Variants in TTN observed in about 807,000 individuals in gnomAD.
The protein encoded by TTN is connectin.
Under a neutral mutation model 3,223.0 loss-of-function variants are expected in TTN, and 1,525 were observed. The ratio of observed to expected loss-of-function variants is 0.47; its 90% CI spans 0.45 to 0.49. The LOEUF is 0.49. Ranked by LOEUF, TTN falls within the 20% of genes least tolerant of loss-of-function variation. TTN has a pLI of 0.00. For synonymous variants in TTN, 14,094 were observed against 15,161.0 expected (o/e 0.93, Z 5.17); for missense variants, 40,786 against 43,424.0 (o/e 0.94, Z 5.40).
chr2:178,538,969 G>A lies in TTN; in HGVS notation c.98966C>T (p.Pro32989Leu), dbSNP rs757583081. The A allele has an allele frequency of 2.7e-5, 43 of 1,608,724 alleles. No individual in the cohort carries two copies. The highest frequency in any genetic ancestry group is 3.6e-5 in the Non-Finnish European group (42 of 1,175,644). ...ACCAAATGGATCTTTGCAAACAACT[G>A]GTTCAGAAGCAGGGCTGGTCTCACT... Reference protein sequence around the residue: ...GLSETSPASEPVVCKDPFDKP... With the variant: ...GLSETSPASELVVCKDPFDKP... Residue 32989 changes from proline to leucine, a missense_variant, in exon 353 of 363, where the codon CCA becomes CTA. Physicochemically the swap from Pro to Leu is moderately conservative, Grantham distance 98. Coordinates refer to ENST00000589042, the MANE Select transcript of TTN (RefSeq NM_001267550.2).
chr2:178,708,093 C>A (rs950941504), intron 99 of TTN, among the ~76,000 whole-genome samples: 5 of 152,194 alleles, frequency 3.3e-5, no homozygotes, highest in African/African-American at 1.2e-4. Flanking sequence ...CAGACATTGG[C>A]AGTTACTATG....
chr2:178,786,866 A>G (rs1404959880), intron 13 of TTN, among the ~76,000 whole-genome samples: 1 of 152,094 alleles, frequency 6.6e-6, no homozygotes, highest in Non-Finnish European at 1.5e-5. Flanking sequence ...TACTTTCATT[A>G]TTATGGAGAG....
Position 178,620,481 on chromosome 2 carries a change from A to G in TTN, c.46040T>C (p.Val15347Ala). ...CTTGTACTTATCAACTCTGTATGAG[A>G]CACGGTTGTCAAAAGGCACTTCTTC... ...NGEEVPFDNRVSYRVDKYKHM... is the reference protein window; with the variant it reads ...NGEEVPFDNRASYRVDKYKHM... Residue 15347 changes from valine (V) to alanine (A), a missense_variant, in exon 248 of 363, where the codon GTC becomes GCC. By Grantham distance (64) the Val-to-Ala change is moderately conservative. Transcript: ENST00000589042. The G allele has an allele frequency of 1.9e-6, 3 of 1,612,418 alleles. No homozygotes were observed. In the South Asian group the frequency reaches 3.3e-5, roughly 18 times the overall value.
intron 11 of TTN, among the ~76,000 whole-genome samples, chr2:178,790,462 C>T (rs745927334): frequency 1.3e-5 from 2 of 152,170 alleles, no homozygotes; most frequent in South Asian, 2.1e-4. Flanking sequence ...TGTTTACGGA[C>T]ATCTGCTTCA....
In TTN at chr2:178,775,683, T is replaced by A. The variant is rs772045763; in HGVS notation, c.6181A>T (p.Ile2061Phe). The part of the protein sequence containing the change: ...KALAEEGKIT[I>F]PTFKPDKIEL... ...ATCTTGTCAGGTTTAAAAGTTGGAATCGTGATTTTGCCTTCTTCGGCAAGA... is the reference window on the plus strand; with the variant it reads ...ATCTTGTCAGGTTTAAAAGTTGGAAACGTGATTTTGCCTTCTTCGGCAAGA... Residue 2061 changes from isoleucine (I) to phenylalanine (F), a missense_variant, in exon 28 of 363, where the codon ATT becomes TTT. Physicochemically the swap from Ile to Phe is conservative, Grantham distance 21. Coordinates refer to ENST00000589042, the MANE Select transcript of TTN (RefSeq NM_001267550.2). 6.2e-6 allele frequency: 10 copies of A among 1,614,034 alleles called. No homozygotes were observed. The African/African-American group carries it at 8.0e-5, about 13-fold the overall frequency.
Position 178,704,510 on chromosome 2 carries a change from C to T in TTN, c.29962G>A (p.Glu9988Lys). The change falls in exon 105 of 363, where the codon GAG (glutamate) becomes AAG (lysine). Residue 9988 changes from glutamate (E) to lysine (K), a missense_variant and splice_region_variant. Glu to Lys is a moderately conservative substitution (Grantham distance 56). Coordinates refer to ENST00000589042, the MANE Select transcript of TTN (RefSeq NM_001267550.2). ...ATTTCATAAGCCTTTTCTAACTTAC[C>T]AATTACAGTTAGTTTAGCGCTAGCG... ...HIASAKLTVI[E>K]PAWERHLQDV... 1.2e-6 allele frequency: 2 copies of T among 1,602,522 alleles called. No homozygotes were observed. The highest frequency in any genetic ancestry group is 1.7e-6 in the Non-Finnish European group (2 of 1,173,800).
chr2:178,543,779 A>G lies in TTN; in HGVS notation c.96310+55T>C, dbSNP rs555144437. On this transcript the variant is annotated intron_variant, in intron 346 of 362. Transcript: ENST00000589042. ...GAGGTGATCAATCATAGGTCAAGCT[A>G]TATTGTTTTAGAGGATCTACTCATT... 15 of 1,590,300 alleles carry G rather than the reference A, an allele frequency of 9.4e-6. No individual in the cohort carries two copies. The African/African-American group carries it at 1.9e-4, about 20-fold the overall frequency.
In TTN at chr2:178,702,566, A is replaced by T. The variant is rs1577676940; in HGVS notation, c.30321T>A (p.Ile10107=). Residue 10107 remains isoleucine (I), a synonymous_variant, in exon 107 of 363, where the codon ATT becomes ATA. Transcript: ENST00000589042. ...CTGTTGGTCCTTTGTACCATGTTAC[A>T]ATGGCATCATCAAAGGACACTTCAC... ...FECEVSFDDA[I]VTWYKGPTEL... is the part of the protein sequence containing the mutation. 1 of 1,613,960 alleles carries T rather than the reference A, an allele frequency of 6.2e-7. No individual in the cohort carries two copies. Among genetic ancestry groups the T allele is most frequent in the Non-Finnish European group, 8.5e-7 (1 of 1,179,878 alleles).
chr2:178,621,527 G>C lies in TTN; in HGVS notation c.45297C>G (p.Asn15099Lys), dbSNP rs746107267. Reference protein sequence around the residue: ...IQNAHLEDAGNYNCRLPSSRT... With the variant: ...IQNAHLEDAGKYNCRLPSSRT... ...GAGAGCTTGGGAGTCGACAGTTGTAGTTGCCAGCATCCTCAAGGTGAGCGT... is the reference window on the plus strand; with the variant it reads ...GAGAGCTTGGGAGTCGACAGTTGTACTTGCCAGCATCCTCAAGGTGAGCGT... The change falls in exon 245 of 363, where the codon AAC becomes AAG. Residue 15099 changes from asparagine to lysine, a missense_variant. Coordinates refer to ENST00000589042, the MANE Select transcript of TTN (RefSeq NM_001267550.2). 1 of 1,612,294 alleles carries C rather than the reference G, an allele frequency of 6.2e-7. No individual in the cohort carries two copies. The highest frequency in any genetic ancestry group is 8.5e-7 in the Non-Finnish European group (1 of 1,179,070).
intron 349 of TTN, chr2:178,541,811 A>C: frequency 4.0e-6 from 1 of 247,580 alleles, no homozygotes; most frequent in Non-Finnish European, 7.4e-6. Flanking sequence ...CTTCAGGGGT[A>C]CATGTGCAGT....
rs1362774927 is a variant in TTN at position 178,634,731 on chromosome 2, G to A, written c.42143C>T (p.Thr14048Ile). The change falls in exon 229 of 363, where the codon ACA becomes ATA. Residue 14048 changes from threonine to isoleucine, a missense_variant. Transcript: ENST00000589042. The surrounding 1 kb of genome is among the most constrained non-coding windows in gnomAD (Gnocchi z 4.6). ...TTCTAAAAGCCCCATACCTTTTACT[G>A]TCAAAATGGCAGTTGTAATTGCATT... The part of the protein sequence containing the change: ...ALNAITTAIL[T>I]VKEIELDFAV... The A allele has an allele frequency of 6.2e-7, 1 of 1,613,042 alleles. No homozygotes were observed. The highest frequency in any genetic ancestry group is 1.7e-5 in the Admixed American group (1 of 59,934).
chr2:178,609,833 C>T lies in TTN; in HGVS notation c.51590G>A (p.Cys17197Tyr). 2 of 1,612,986 alleles carry T rather than the reference C, an allele frequency of 1.2e-6. No homozygotes were observed. Among genetic ancestry groups the T allele is most frequent in the East Asian group, 2.2e-5 (1 of 44,786 alleles). The change falls in exon 272 of 363, where the codon TGC becomes TAC. Residue 17197 changes from cysteine to tyrosine, a missense_variant. Transcript: ENST00000589042. ...IAKGEERWKR[C>Y]NEHLVPILTY... ...CAGGATTGGTACCAGGTGTTCATTG[C>T]ATCTCTTCCACCTTTCTTCACCCTT...
rs958838178 is a variant in TTN at position 178,531,980 on chromosome 2, G to C, written c.104635C>G (p.Pro34879Ala). Reference protein sequence around the residue: ...EDDTERRSPTPERTRPRSPSP... With the variant: ...EDDTERRSPTAERTRPRSPSP... ...GGGGATCGTGGGCGAGTTCTCTCTGGAGTAGGTGACCTTCTTTCTGTGTCA... is the reference window on the plus strand; with the variant it reads ...GGGGATCGTGGGCGAGTTCTCTCTGCAGTAGGTGACCTTCTTTCTGTGTCA... Residue 34879 changes from proline (P) to alanine (A), a missense_variant, in exon 358 of 363, where the codon CCA becomes GCA. Pro to Ala is a conservative substitution (Grantham distance 27). Coordinates refer to ENST00000589042, the MANE Select transcript of TTN (RefSeq NM_001267550.2). The C allele has an allele frequency of 1.2e-6, 2 of 1,613,756 alleles. No individual in the cohort carries two copies. The highest frequency in any genetic ancestry group is 1.7e-6 in the Non-Finnish European group (2 of 1,179,842).
At chr2:178,709,310 C>T (rs2076316507) in intron 99 of TTN, among the ~76,000 whole-genome samples, 1 of 152,062 alleles carries the variant, frequency 6.6e-6, no homozygotes, top group Admixed American at 6.6e-5. Context: ...TTCTAACTAC[C>T]TAAAGGAATT....
At position 178,727,471 on chromosome 2, in the gene TTN, G is replaced by A. The variant is rs185903981; in HGVS notation, c.19994-100C>T. 27 of 1,501,540 alleles carry A rather than the reference G, an allele frequency of 1.8e-5. No homozygotes were observed. The African/African-American group carries it at 2.9e-4, about 16-fold the overall frequency. 93.0% of individuals were successfully genotyped at this position (1,501,540 alleles called of 1,614,324 possible). A position where few individuals can be genotyped will look rare whatever the true frequency, so the allele number is the denominator to read the frequency against. On this transcript the variant is annotated intron_variant, in intron 68 of 362. Transcript: ENST00000589042. Reference sequence around the variant, plus strand: ...CAAGAGAAAAACATGAGCAAATACTGTTTACTATGTTAGAAAGAATACTAC... The same window carrying A: ...CAAGAGAAAAACATGAGCAAATACTATTTACTATGTTAGAAAGAATACTAC...
Position 178,576,638 on chromosome 2 carries a change from T to C in TTN, c.69606A>G (p.Thr23202=). 1 of 1,613,620 alleles carries C rather than the reference T, an allele frequency of 6.2e-7. No homozygotes were observed. Among genetic ancestry groups the C allele is most frequent in the South Asian group, 1.1e-5 (1 of 91,070 alleles). ...CGTAGGTGCTTCCTTCTTGCAGTCC[T>C]GTTACTTTGCACCTGAGATCGGAAA... The part of the protein sequence containing the change: ...TPVSDLRCKV[T]GLQEGSTYEF... Residue 23202 remains threonine, a synonymous_variant, in exon 325 of 363, where the codon ACA becomes ACG. Transcript: ENST00000589042. This position sits in a 1 kb window ranked among gnomAD's most constrained non-coding sequence, Gnocchi z 4.3.
chr2:178,526,357 C>T lies in TTN; in HGVS notation c.*655G>A, dbSNP rs555847533. On this transcript the variant is annotated 3_prime_UTR_variant, in exon 363 of 363. Transcript: ENST00000589042. ...ATGTTACTTTTCCAAGCTATTCAGG[C>T]ACTCCTTATGTCAGAGACAGCGTAA... The T allele has an allele frequency of 3.9e-5, 6 of 152,742 alleles. No individual in the cohort carries two copies. In the South Asian group the frequency reaches 1.2e-3, roughly 32 times the overall value. The allele number at this position is 152,742 out of a possible 1,614,324, so 9.5% of individuals were successfully genotyped here. A position where few individuals can be genotyped will look rare whatever the true frequency, so the allele number is the denominator to read the frequency against.
chr2:178,578,021 G>A lies in TTN; in HGVS notation c.68494C>T (p.Pro22832Ser). Reference sequence around the variant, plus strand: ...TCCAGTGCCACAACAGGCTCTGATGGTAGGCTTGGCTTGCCCACACCTGCT... The same window carrying A: ...TCCAGTGCCACAACAGGCTCTGATGATAGGCTTGGCTTGCCCACACCTGCT... ...NLAGVGKPSL[P>S]SEPVVALDPI... The change falls in exon 322 of 363, where the codon CCA (proline) becomes TCA (serine). Residue 22832 changes from proline to serine, a missense_variant. By Grantham distance (74) the Pro-to-Ser change is moderately conservative (BLOSUM62 -1). Transcript: ENST00000589042. 2 of 1,613,156 alleles carry A rather than the reference G, an allele frequency of 1.2e-6. No individual in the cohort carries two copies. Among genetic ancestry groups the A allele is most frequent in the South Asian group, 1.1e-5 (1 of 91,020 alleles).
Position 178,769,860 on chromosome 2 carries a change from G to C in TTN, c.8721C>G (p.His2907Gln). 6.2e-7 allele frequency: 1 copy of C among 1,614,096 alleles called. No individual in the cohort carries two copies. Among genetic ancestry groups the C allele is most frequent in the Non-Finnish European group, 8.5e-7 (1 of 1,180,002 alleles). ...KTASFECEVS[H>Q]FNVPSMWLKN... ...TCAGCCACATGGAAGGGACATTGAA[G>C]TGGGACACCTCACACTCAAAAGAGG... Residue 2907 changes from histidine to glutamine, a missense_variant, in exon 37 of 363, where the codon CAC (histidine) becomes CAG (glutamine). Physicochemically the swap from His to Gln is conservative, Grantham distance 24 (BLOSUM62 0). Coordinates refer to ENST00000589042, the MANE Select transcript of TTN (RefSeq NM_001267550.2).
Sources: gnomAD v4.1 joint callset for allele counts (sites outside exome capture counted in the v4.1 genomes callset) on GRCh38, gnomAD v4.1.1 for gene constraint, Gnocchi (gnomAD v3.1) non-coding constraint, MANE v1.5 for transcripts, NCBI Gene and HGNC (gene_info 2026-07-23, HGNC 2026-07-21) for gene names.